The following HS3ST4 variants were observed in gnomAD, a reference collection of about 807,000 sequenced individuals.
HS3ST4 encodes the protein heparan sulfate glucosamine 3-O-sulfotransferase 4.
Under a neutral mutation model 29.2 loss-of-function variants are expected in HS3ST4, and 17 were observed. That is an observed-to-expected ratio of 0.58 (90% confidence interval 0.40 to 0.87). The LOEUF (loss-of-function observed/expected upper bound fraction) is 0.87. Ranked by LOEUF, HS3ST4 falls within the 40% of genes least tolerant of loss-of-function variation. HS3ST4 has a pLI of 0.00. For missense variants in HS3ST4, 627 were observed against 634.5 expected, an observed-to-expected ratio of 0.99 and a Z score of 0.13; for synonymous variants, 314 against 285.7, an observed-to-expected ratio of 1.10 and a Z score of -1.00.
At chr16:26,010,174 C>A (rs1009598648) in intron 1 of HS3ST4, among the ~76,000 whole-genome samples, 3 of 152,158 alleles carry the variant, frequency 2.0e-5, no homozygotes, top group Non-Finnish European at 4.4e-5. Flanking sequence ...GAAAATGTGG[C>A]CCGGCGCGGT....
At chr16:26,077,258 C>T (rs1199453774) in intron 1 of HS3ST4, among the ~76,000 whole-genome samples, 1 of 152,224 alleles carries the variant, frequency 6.6e-6, no homozygotes, top group African/African-American at 2.4e-5. Context: ...GGCATAAAAC[C>T]ATTCTCCTAC....
chr16:25,959,161 C>T (rs183644398), intron 1 of HS3ST4, among the ~76,000 whole-genome samples: 21 of 152,146 alleles, frequency 1.4e-4, no homozygotes, highest in African/African-American at 2.6e-4. Flanking sequence ...TGAAGAGTGC[C>T]GGGTGAAGTC....
intron 1 of HS3ST4, among the ~76,000 whole-genome samples, chr16:26,050,063 A>T (rs982368049): frequency 6.6e-6 from 1 of 152,160 alleles, no homozygotes; most frequent in Non-Finnish European, 1.5e-5. Flanking sequence ...ACCATTGTCC[A>T]TTGGTGATCA....
chr16:25,843,676 G>T lies in HS3ST4; in HGVS notation c.734+150525G>T, dbSNP rs1352212211. 2.6e-5 allele frequency among the ~76,000 whole-genome samples: 4 copies of T among 152,154 alleles called. No individual in the cohort carries two copies. The East Asian group carries it at 5.8e-4, about 22-fold the overall frequency. On this transcript the variant is annotated intron_variant, in intron 1 of 1. Transcript: ENST00000331351. ...AGACTTTGGAAATGAATGTGGTGGG[G>T]TATCTGTCTAATGATCGTCTACATT...
intron 1 of HS3ST4, among the ~76,000 whole-genome samples, chr16:25,931,147 G>A (rs116504955): frequency 0.024 from 3,637 of 152,266 alleles, 163 homozygotes; most frequent in African/African-American, 0.084. Context: ...GGCCTTTGGG[G>A]ACCGCGTACC....
chr16:25,830,783 G>A (rs1476170902), intron 1 of HS3ST4, among the ~76,000 whole-genome samples: 12 of 151,410 alleles, frequency 7.9e-5, no homozygotes, highest in African/African-American at 2.9e-4. Flanking sequence ...TCACAGCTCA[G>A]TCACTGTTCC....
At chr16:25,886,401 C>T (rs1265340720) in intron 1 of HS3ST4, among the ~76,000 whole-genome samples, 1 of 152,166 alleles carries the variant, frequency 6.6e-6, no homozygotes, top group East Asian at 1.9e-4. Context: ...GGCAGAACAC[C>T]TAAAGTAATG....
At chr16:25,840,086 G>A (rs1472192539) in intron 1 of HS3ST4, among the ~76,000 whole-genome samples, 3 of 152,124 alleles carry the variant, frequency 2.0e-5, no homozygotes, top group African/African-American at 7.2e-5. Context: ...CTTTCTGGTC[G>A]ATCTCTTCTT....
intron 1 of HS3ST4, among the ~76,000 whole-genome samples, chr16:25,712,747 A>G (rs1258626004): frequency 1.3e-5 from 2 of 152,234 alleles, no homozygotes; most frequent in African/African-American, 4.8e-5. Context: ...AAAATGTAAA[A>G]TTCTTTCATA....
rs9921738 is a variant in HS3ST4 at position 25,831,613 on chromosome 16, G to A, written c.734+138462G>A. On this transcript the variant is annotated intron_variant, in intron 1 of 1. Transcript: ENST00000331351. ...CCAAAAAAATAAAAATAAAAATAAA[G>A]ATAAAAATTTTGCATATTGACCCAA... 2.3e-3 allele frequency among the ~76,000 whole-genome samples: 343 copies of A among 151,724 alleles called. 3 individuals carry two copies. The highest frequency in any genetic ancestry group is 7.5e-3 in the African/African-American group (310 of 41,358).
At chr16:25,981,257 A>G (rs767406218) in intron 1 of HS3ST4, among the ~76,000 whole-genome samples, 2 of 152,038 alleles carry the variant, frequency 1.3e-5, no homozygotes, top group Non-Finnish European at 2.9e-5. Flanking sequence ...AAATCGCTTG[A>G]ACCCAGGAGG....
At chr16:26,097,110 C>T (rs1596679630) in intron 1 of HS3ST4, among the ~76,000 whole-genome samples, 1 of 152,288 alleles carries the variant, frequency 6.6e-6, no homozygotes, top group East Asian at 1.9e-4. Context: ...AAGAACATTC[C>T]ATGCTCATGG....
At chr16:25,934,277 G>A (rs977230387) in intron 1 of HS3ST4, among the ~76,000 whole-genome samples, 4 of 152,160 alleles carry the variant, frequency 2.6e-5, no homozygotes, top group African/African-American at 9.7e-5. Flanking sequence ...AACTGAGGTT[G>A]TTGATATGTG....
In HS3ST4 at chr16:26,108,136, G is replaced by A. The variant is rs376253901; in HGVS notation, c.735-27476G>A. On this transcript the variant is annotated intron_variant, in intron 1 of 1. Transcript: ENST00000331351. ...CTATTGTGTCTTGACTTTAATAATG[G>A]CCATTCTGACTGGGGTAATATGGTA... 4.4e-4 allele frequency among the ~76,000 whole-genome samples: 67 copies of A among 152,212 alleles called. No homozygotes were observed. In the Middle Eastern group the frequency reaches 0.01, roughly 23 times the overall value.
At chr16:25,883,153 T>C (rs1285413594) in intron 1 of HS3ST4, among the ~76,000 whole-genome samples, 2 of 19,002 alleles carry the variant, frequency 1.1e-4, no homozygotes, top group African/African-American at 5.3e-4. Flanking sequence ...CGATTTTTTT[T>C]TTTTTTTTTT....
chr16:26,040,102 C>T (rs926727374), intron 1 of HS3ST4, among the ~76,000 whole-genome samples: 10 of 152,120 alleles, frequency 6.6e-5, no homozygotes, highest in African/African-American at 2.4e-4. Flanking sequence ...ACAATATTTC[C>T]AGTGTTTTTA....
chr16:26,019,762 T>G (rs769308277), intron 1 of HS3ST4, among the ~76,000 whole-genome samples: 1 of 152,210 alleles, frequency 6.6e-6, no homozygotes, highest in Non-Finnish European at 1.5e-5. Context: ...GTTTGTATAT[T>G]TAATCAGTTT....
chr16:26,024,411 C>A (rs1449141357), intron 1 of HS3ST4, among the ~76,000 whole-genome samples: 1 of 152,078 alleles, frequency 6.6e-6, no homozygotes, highest in African/African-American at 2.4e-5. Flanking sequence ...AGGAAGAGCA[C>A]CCTCTGGCCA....
chr16:26,101,112 T>C (rs2141796632), intron 1 of HS3ST4, among the ~76,000 whole-genome samples: 1 of 152,298 alleles, frequency 6.6e-6, no homozygotes, highest in South Asian at 2.1e-4. Flanking sequence ...CTTGCTCCTC[T>C]TCACTTTTCT....
Sources: allele counts gnomAD v4.1 joint callset (sites outside exome capture counted in the v4.1 genomes callset), GRCh38; gene constraint gnomAD v4.1.1; transcripts MANE v1.5; gene names NCBI Gene and HGNC (gene_info 2026-07-23, HGNC 2026-07-21).